UBE2D2: variants seen among roughly 807,000 people sequenced by gnomAD.
UBE2D2 encodes ubiquitin-conjugating enzyme E2 D2.
UBE2D2 carries 2 observed loss-of-function variants against 24.2 expected under a neutral mutation model. The observed-to-expected ratio is 0.08, with a 90% confidence interval of 0.03 to 0.26. The LOEUF (loss-of-function observed/expected upper bound fraction) is 0.26. UBE2D2 is among the 10% of genes least tolerant of loss of function. The pLI is 1.00. For synonymous variants in UBE2D2, 58 were observed against 56.5 expected, an observed-to-expected ratio of 1.03 and a Z score of -0.12; for missense variants, 44 against 177.6, an observed-to-expected ratio of 0.25 and a Z score of 4.28.
intron 1 of UBE2D2, among the ~76,000 whole-genome samples, chr5:139,571,544 A>G (rs1292222502): frequency 6.6e-6 from 1 of 152,104 alleles, no homozygotes; most frequent in Non-Finnish European, 1.5e-5. Flanking sequence ...ACAGTGGGAG[A>G]AATAAACTTG....
chr5:139,548,857 C>CT (rs372755282), intron 1 of UBE2D2, among the ~76,000 whole-genome samples: 8,436 of 143,830 alleles, frequency 0.059, 788 homozygotes, highest in African/African-American at 0.2. Context: ...TTTTTTTTTT[C>CT]TTTTTTTTTT....
At chr5:139,556,015 T>C (rs1752977510) in intron 1 of UBE2D2, among the ~76,000 whole-genome samples, 1 of 138,034 alleles carries the variant, frequency 7.2e-6, no homozygotes, top group Non-Finnish European at 1.5e-5. Context: ...GGTGGGCGGA[T>C]CACCTGAGGT....
chr5:139,556,980 G>A (rs539027675), upstream of UBE2D2, among the ~76,000 whole-genome samples: 26 of 135,764 alleles, frequency 1.9e-4, no homozygotes, highest in African/African-American at 6.7e-4. Context: ...GATTACAGGC[G>A]CTCACCACCA....
At chr5:139,537,888 C>T (rs992446121) in intron 1 of UBE2D2, among the ~76,000 whole-genome samples, 5 of 151,054 alleles carry the variant, frequency 3.3e-5, no homozygotes, top group South Asian at 4.2e-4. Context: ...GATGTGAACC[C>T]GGGAGGCGGA....
intron 2 of UBE2D2, among the ~76,000 whole-genome samples, chr5:139,608,426 T>G (rs1754240386): frequency 6.6e-6 from 1 of 151,864 alleles, no homozygotes; most frequent in African/African-American, 2.4e-5. Flanking sequence ...TGAGACTGTC[T>G]CAAAAAAAGA....
intron 1 of UBE2D2, among the ~76,000 whole-genome samples, chr5:139,568,517 G>T (rs1356920149): frequency 1.3e-5 from 2 of 151,908 alleles, no homozygotes; most frequent in African/African-American, 2.4e-5. Context: ...AAATTAGTCA[G>T]TGTGGTGGCA....
At chr5:139,585,625 C>T (rs887045674) in intron 1 of UBE2D2, among the ~76,000 whole-genome samples, 6 of 151,938 alleles carry the variant, frequency 3.9e-5, no homozygotes, top group African/African-American at 1.5e-4. Flanking sequence ...TATTTGAGCA[C>T]TAATTCTGGT....
At chr5:139,543,557 G>A (rs926998604) in intron 1 of UBE2D2, among the ~76,000 whole-genome samples, 3 of 152,266 alleles carry the variant, frequency 2.0e-5, no homozygotes, top group African/African-American at 4.8e-5. Context: ...CCCCGGCGAC[G>A]ACACGGGGGA....
chr5:139,566,240 A>G (rs1424829115), intron 1 of UBE2D2, among the ~76,000 whole-genome samples: 1 of 151,924 alleles, frequency 6.6e-6, no homozygotes, highest in Non-Finnish European at 1.5e-5. Context: ...GCTGGTCTTG[A>G]ACTCCTGACG....
At chr5:139,587,312 A>G (rs1410185512) in intron 1 of UBE2D2, among the ~76,000 whole-genome samples, 1 of 152,088 alleles carries the variant, frequency 6.6e-6, no homozygotes, top group Non-Finnish European at 1.5e-5. Context: ...ATCCGGAGGG[A>G]TGGAAGTCAG....
intron 1 of UBE2D2, among the ~76,000 whole-genome samples, chr5:139,544,972 G>T (rs1456052778): frequency 1.3e-5 from 2 of 151,824 alleles, no homozygotes; most frequent in Non-Finnish European, 2.9e-5. Context: ...GTAGAGATGG[G>T]GTTTCACCAT....
chr5:139,557,849 G>C (rs1345480352), upstream of UBE2D2, among the ~76,000 whole-genome samples: 1 of 152,076 alleles, frequency 6.6e-6, no homozygotes, highest in Non-Finnish European at 1.5e-5. Context: ...TTTATCCTAA[G>C]GCACTCTTAG....
chr5:139,606,856 G>T (rs922723827), intron 2 of UBE2D2, among the ~76,000 whole-genome samples: 2 of 152,206 alleles, frequency 1.3e-5, no homozygotes, highest in East Asian at 3.8e-4. Flanking sequence ...CCCCCCTGGA[G>T]TGTAGTGGCA....
chr5:139,605,270 C>T (rs1441666775), intron 2 of UBE2D2, among the ~76,000 whole-genome samples: 3 of 151,950 alleles, frequency 2.0e-5, no homozygotes, highest in African/African-American at 2.4e-5. Context: ...CTGCAAAGAT[C>T]TGGTAAGCAG....
intron 1 of UBE2D2, among the ~76,000 whole-genome samples, chr5:139,568,802 C>A (rs907488736): frequency 1.3e-5 from 2 of 152,078 alleles, no homozygotes; most frequent in African/African-American, 2.4e-5. Context: ...GAAACCCTGT[C>A]TCTACTAAAA....
intron 1 of UBE2D2, among the ~76,000 whole-genome samples, chr5:139,555,286 C>G (rs1315709056): frequency 6.6e-6 from 1 of 152,080 alleles, no homozygotes; most frequent in African/African-American, 2.4e-5. Context: ...AGTGATCCAC[C>G]CACCTTGGCC....
rs780961540 is a variant in UBE2D2 at position 139,600,353 on chromosome 5, T to G, written c.25-19T>G. On this transcript the variant is annotated intron_variant, in intron 1 of 6. Transcript: ENST00000398733. ...TACATTTATGTTGAATATATTTCTT[T>G]TCTTTCTTTTTTCTGTAGGAATTGA... The G allele has an allele frequency of 1.2e-6, 2 of 1,612,748 alleles. No homozygotes were observed. The highest frequency in any genetic ancestry group is 1.3e-5 in the African/African-American group (1 of 74,900).
chr5:139,616,175 T>C (rs562834502), intron 5 of UBE2D2, among the ~76,000 whole-genome samples: 1 of 148,422 alleles, frequency 6.7e-6, no homozygotes, highest in Non-Finnish European at 1.5e-5. Flanking sequence ...AACAAGTATT[T>C]ATGGCCTGGC....
upstream of UBE2D2, among the ~76,000 whole-genome samples, chr5:139,559,209 G>A (rs990187509): frequency 2.6e-5 from 4 of 152,142 alleles, no homozygotes; most frequent in East Asian, 3.9e-4. Context: ...GGCGGATCAC[G>A]AGGTCAGGAG....
Sources: allele counts gnomAD v4.1 joint callset (sites outside exome capture counted in the v4.1 genomes callset), GRCh38; gene constraint gnomAD v4.1.1; transcripts MANE v1.5; gene names NCBI Gene and HGNC (gene_info 2026-07-23, HGNC 2026-07-21).